Variants in IL1RAP observed in about 807,000 individuals in gnomAD.
IL1RAP encodes the protein interleukin-1 receptor accessory protein.
In IL1RAP, 35 loss-of-function variants were observed where a neutral mutation model predicts 60.7. That is an observed-to-expected ratio of 0.58 (90% CI 0.44 to 0.76). IL1RAP has a LOEUF of 0.76. Among genes scored for constraint, IL1RAP ranks in the 30% least tolerant of loss-of-function variants. IL1RAP has a pLI of 0.00. For synonymous variants in IL1RAP, 268 were observed against 250.9 expected (o/e 1.07, Z -0.64); for missense variants, 572 against 693.9 (o/e 0.82, Z 1.97).
intron 3 of IL1RAP, among the ~76,000 whole-genome samples, chr3:190,579,616 C>T (rs1336026000): frequency 6.6e-6 from 1 of 152,038 alleles, no homozygotes; most frequent in African/African-American, 2.4e-5. Context: ...TCTAAAGATT[C>T]CTTTTATTGC....
At position 190,649,568 on chromosome 3, in the gene IL1RAP, A is replaced by T. The variant is rs1350502180; in HGVS notation, c.*863A>T. Reference sequence around the variant, plus strand: ...AAGACTCTTTTAGGGCATTTTTCTGACTCATGAAAAGAGCACAGAAAAGGA... The same window carrying T: ...AAGACTCTTTTAGGGCATTTTTCTGTCTCATGAAAAGAGCACAGAAAAGGA... On this transcript the variant is annotated 3_prime_UTR_variant, in exon 12 of 12. Transcript: ENST00000447382. 1.0e-6 allele frequency: 1 copy of T among 985,736 alleles called. No homozygotes were observed. Among genetic ancestry groups the T allele is most frequent in the Non-Finnish European group, 1.2e-6 (1 of 829,840 alleles). The allele number at this position is 985,736 out of a possible 1,614,324, so 61.1% of individuals were successfully genotyped here.
intron 5 of IL1RAP, among the ~76,000 whole-genome samples, chr3:190,616,428 T>A (rs186282821): frequency 1.3e-5 from 2 of 152,252 alleles, no homozygotes; most frequent in East Asian, 3.9e-4. Context: ...GTGGTTTTTT[T>A]TTTTCTGGCA....
chr3:190,564,163 G>A, intron 2 of IL1RAP, 126 bp from the exon 3 acceptor site: 1 of 630,600 alleles, frequency 1.6e-6, no homozygotes, highest in Non-Finnish European at 2.9e-6. Flanking sequence ...AATGAAATTT[G>A]TTAATATTGT....
chr3:190,546,137 G>C (rs1724349579), intron 1 of IL1RAP, among the ~76,000 whole-genome samples: 1 of 152,116 alleles, frequency 6.6e-6, no homozygotes, highest in Non-Finnish European at 1.5e-5. Context: ...TCCTATTGCT[G>C]TTCTCAGCCC....
At chr3:190,608,259 A>T (rs1730520511) in intron 4 of IL1RAP, among the ~76,000 whole-genome samples, 1 of 152,202 alleles carries the variant, frequency 6.6e-6, no homozygotes, top group Admixed American at 6.5e-5. Flanking sequence ...GCTATATGGT[A>T]TAGTCTGTTA....
intron 3 of IL1RAP, among the ~76,000 whole-genome samples, chr3:190,578,035 T>C (rs1727653852): frequency 1.3e-5 from 2 of 152,176 alleles, no homozygotes; most frequent in South Asian, 2.1e-4. Flanking sequence ...ATGGGAACAA[T>C]AGACTCTGCA....
chr3:190,644,196 C>A, intron 9 of IL1RAP, 52 bp from the exon 10 acceptor site: 2 of 1,569,276 alleles, frequency 1.3e-6, no homozygotes, highest in South Asian at 2.3e-5. Flanking sequence ...GATGGTGGGT[C>A]ACTGTGGTCA....
chr3:190,645,099 T>G (rs1409339186), intron 10 of IL1RAP, among the ~76,000 whole-genome samples: 8 of 152,194 alleles, frequency 5.3e-5, no homozygotes, highest in Admixed American at 5.2e-4. Flanking sequence ...TAGTGCAAAT[T>G]TGCTTAGTGA....
intron 1 of IL1RAP, among the ~76,000 whole-genome samples, chr3:190,538,830 G>A (rs1470549905): frequency 5.3e-5 from 8 of 152,060 alleles, no homozygotes; most frequent in Non-Finnish European, 8.8e-5. Context: ...GAGTTCTCAC[G>A]AGATCTGATG....
At chr3:190,548,980 G>A (rs1724615578) in intron 1 of IL1RAP, among the ~76,000 whole-genome samples, 2 of 152,116 alleles carry the variant, frequency 1.3e-5, no homozygotes, top group Non-Finnish European at 2.9e-5. Context: ...TGCATAAAAA[G>A]AGGTTCATGG....
chr3:190,599,279 G>A (rs62288217), intron 3 of IL1RAP, among the ~76,000 whole-genome samples: 1,747 of 152,090 alleles, frequency 0.011, 23 homozygotes, highest in Non-Finnish European at 0.015. Flanking sequence ...CACATCCCCC[G>A]AAGCTCCCTG....
At chr3:190,537,555 A>G (rs1414624792) in intron 1 of IL1RAP, among the ~76,000 whole-genome samples, 1 of 152,182 alleles carries the variant, frequency 6.6e-6, no homozygotes, top group Admixed American at 6.5e-5. Context: ...GGAACAGGCC[A>G]TATTTTGTTT....
intron 1 of IL1RAP, among the ~76,000 whole-genome samples, chr3:190,520,964 A>G (rs1214726770): frequency 3.9e-5 from 6 of 152,218 alleles, no homozygotes; most frequent in Admixed American, 3.9e-4. Context: ...ATTGATGTCA[A>G]ACTGATCTGC....
In IL1RAP at chr3:190,620,292, G is replaced by T; in HGVS notation, c.555G>T (p.Gln185His). The change falls in exon 6 of 12, where the codon CAG becomes CAT. Residue 185 changes from glutamine to histidine, a missense_variant. By Grantham distance (24) the Gln-to-His change is conservative (BLOSUM62 0). Transcript: ENST00000447382. ...TTTTCTAGGGCTGTTATAAAATACAGAATTTTAATAATGTAATACCCGAAG... is the reference window on the plus strand; with the variant it reads ...TTTTCTAGGGCTGTTATAAAATACATAATTTTAATAATGTAATACCCGAAG... ...ITWYMGCYKI[Q>H]NFNNVIPEGM... is the part of the protein sequence containing the mutation. 2 of 1,540,948 alleles carry T rather than the reference G, an allele frequency of 1.3e-6. No individual in the cohort carries two copies. Among genetic ancestry groups the T allele is most frequent in the Non-Finnish European group, 1.8e-6 (2 of 1,133,032 alleles).
chr3:190,522,403 CTATCTATG>C lies in IL1RAP; in HGVS notation c.-89+8200_-89+8207del, dbSNP rs1228858381. On this transcript the variant is annotated intron_variant, in intron 1 of 11. Coordinates refer to ENST00000447382, the MANE Select transcript of IL1RAP (RefSeq NM_002182.4). ...ATTATCTATGTATCTTTCTATGTATCTATCTATGTATCTATGTATCTATCTATCTATCT... is the reference window on the plus strand; with the variant it reads ...ATTATCTATGTATCTTTCTATGTATCTATCTATGTATCTATCTATCTATCT... Among the ~76,000 whole-genome samples the C allele has an allele frequency of 6.4e-3, 864 of 134,962 alleles. 10 individuals are homozygous for C. The highest frequency in any genetic ancestry group is 0.024 in the African/African-American group (826 of 34,376). 88.5% of individuals were successfully genotyped at this position (134,962 alleles called of 152,430 possible).
At chr3:190,651,775 GTGTGTATGTGTA>G (rs71635331), downstream of IL1RAP, among the ~76,000 whole-genome samples, 1,752 of 151,622 alleles carry the variant, frequency 0.012, 31 homozygotes, top group African/African-American at 0.04. Flanking sequence ...ATGTGTTTAT[GTGTGTATGTGTA>G]TGTGTATGTG....
rs1156893498 is a variant in IL1RAP, at chr3:190,649,231, A to G, written c.*526A>G. 2.0e-6 allele frequency: 2 copies of G among 985,886 alleles called. No homozygotes were observed. The highest frequency in any genetic ancestry group is 6.1e-5 in the Admixed American group (1 of 16,300). 61.1% of individuals were successfully genotyped at this position (985,886 alleles called of 1,614,324 possible). A position where few individuals can be genotyped will look rare whatever the true frequency, so the allele number is the denominator to read the frequency against. ...AATACATAACCACAGCAAGACTGAC[A>G]TCCACTTAGGATGATACAAAGCAGT... is the stretch of plus-strand genomic sequence containing the variant. On this transcript the variant is annotated 3_prime_UTR_variant, in exon 12 of 12. Transcript: ENST00000447382.
chr3:190,656,700 G>A (rs1734631824), exon 12 of IL1RAP: 6 of 712,290 alleles, frequency 8.4e-6, no homozygotes, highest in Non-Finnish European at 8.9e-6. Flanking sequence ...TCATCTAATG[G>A]ACTATCAGAT....
chr3:190,576,516 A>G (rs1727464090), intron 3 of IL1RAP, among the ~76,000 whole-genome samples: 1 of 152,218 alleles, frequency 6.6e-6, no homozygotes, highest in South Asian at 2.1e-4. Flanking sequence ...GACAAAATAG[A>G]TTCAAACTAA....
Sources: gnomAD v4.1 joint callset for allele counts (sites outside exome capture counted in the v4.1 genomes callset) on GRCh38, gnomAD v4.1.1 for gene constraint, MANE v1.5 for transcripts, NCBI Gene and HGNC (gene_info 2026-07-23, HGNC 2026-07-21) for gene names.